The following APBB2 variants were observed in gnomAD, a reference collection of about 807,000 sequenced individuals.
APBB2 encodes amyloid beta precursor protein binding family B member 2.
In APBB2, 38 loss-of-function variants were observed where a neutral mutation model predicts 82.5. The observed-to-expected ratio is 0.46, with a 90% CI of 0.36 to 0.60. The LOEUF (loss-of-function observed/expected upper bound fraction) is 0.60, where lower values mean the gene tolerates loss of function less well. APBB2 is among the 20% of genes least tolerant of loss of function. APBB2 has a pLI of 0.00. For missense variants in APBB2, 772 were observed against 972.3 expected (o/e 0.79, Z 2.74); for synonymous variants, 341 against 368.2 (o/e 0.93, Z 0.85).
intron 10 of APBB2, among the ~76,000 whole-genome samples, chr4:40,907,372 TA>T (rs1777209945): frequency 4.5e-4 from 15 of 33,414 alleles, no homozygotes; most frequent in East Asian, 4.4e-3. Flanking sequence ...TATATATATA[TA>T]TATATATTTT....
intron 6 of APBB2, among the ~76,000 whole-genome samples, chr4:40,959,732 T>C (rs762252479): frequency 6.6e-6 from 1 of 152,202 alleles, no homozygotes; most frequent in Non-Finnish European, 1.5e-5. Flanking sequence ...TCTCATAGAT[T>C]AGAATGAATA....
chr4:41,086,794 T>G (rs994543174), intron 3 of APBB2, among the ~76,000 whole-genome samples: 2 of 152,046 alleles, frequency 1.3e-5, no homozygotes, highest in African/African-American at 4.8e-5. Flanking sequence ...CTTATCAACA[T>G]AGTAGTAGAA....
At chr4:41,032,778 C>CTTTTTTTTTTTTTTTT (rs11421268) in intron 5 of APBB2, among the ~76,000 whole-genome samples, 8 of 84,316 alleles carry the variant, frequency 9.5e-5, no homozygotes, top group East Asian at 7.7e-4. Flanking sequence ...ATTTTTCTTT[C>CTTTTTTTTTTTTTTTT]TTTTTTTTTT....
intron 3 of APBB2, among the ~76,000 whole-genome samples, chr4:41,071,778 T>C (rs1362848606): frequency 1.3e-5 from 2 of 152,204 alleles, no homozygotes; most frequent in African/African-American, 2.4e-5. Flanking sequence ...CCCATTTAAG[T>C]ATCAAAATGG....
chr4:40,980,727 T>C (rs1032984), intron 6 of APBB2, among the ~76,000 whole-genome samples: 58,508 of 152,090 alleles, frequency 0.38, 12,335 homozygotes, highest in East Asian at 0.71. Flanking sequence ...CACATGGGCA[T>C]AAAATGAAAT....
chr4:41,105,187 C>T (rs1297248298), intron 2 of APBB2, among the ~76,000 whole-genome samples: 2 of 152,066 alleles, frequency 1.3e-5, no homozygotes, highest in Admixed American at 6.5e-5. Flanking sequence ...ATAACCATAT[C>T]CCTGATATAC....
chr4:41,172,381 C>T (rs1484367460), intron 1 of APBB2, among the ~76,000 whole-genome samples: 1 of 152,108 alleles, frequency 6.6e-6, no homozygotes, highest in Non-Finnish European at 1.5e-5. Context: ...TCAAGATATA[C>T]TCAGGTTTTG....
chr4:41,160,634 G>A lies in APBB2; in HGVS notation c.-416-17492C>T, dbSNP rs553149360. ...GACAGGATGACCTCTAAGAGGCTGT[G>A]TTTGGTGACTAACTCCCTTCCCTGG... On this transcript the variant is annotated intron_variant, in intron 1 of 17. Coordinates refer to ENST00000508593, the MANE Select transcript of APBB2 (RefSeq NM_004307.2). 2.6e-5 allele frequency among the ~76,000 whole-genome samples: 4 copies of A among 152,230 alleles called. No homozygotes were observed. The East Asian group carries it at 5.8e-4, about 22-fold the overall frequency.
chr4:41,084,462 C>T (rs989688157), intron 3 of APBB2: 3 of 152,048 alleles, frequency 2.0e-5, no homozygotes, highest in African/African-American at 4.8e-5. Flanking sequence ...TGGCTTGATT[C>T]GCAAATGTAA....
intron 12 of APBB2, among the ~76,000 whole-genome samples, chr4:40,843,153 G>A (rs1003167994): frequency 4.6e-5 from 7 of 152,134 alleles, no homozygotes; most frequent in Non-Finnish European, 7.3e-5. Flanking sequence ...TGCATGCACC[G>A]TACACAGAGC....
chr4:41,149,272 T>C (rs1023444356), intron 1 of APBB2, among the ~76,000 whole-genome samples: 1 of 152,194 alleles, frequency 6.6e-6, no homozygotes, highest in African/African-American at 2.4e-5. Flanking sequence ...GTAGTCATTA[T>C]TTTAAAGATT....
intron 6 of APBB2, among the ~76,000 whole-genome samples, chr4:40,985,176 C>T (rs569946936): frequency 4.6e-5 from 7 of 152,050 alleles, no homozygotes; most frequent in Admixed American, 6.6e-5. Context: ...CAGCCTCCAA[C>T]GTGTTGGGAT....
intron 4 of APBB2, among the ~76,000 whole-genome samples, chr4:41,040,889 A>AT (rs531118548): frequency 2.6e-5 from 4 of 151,052 alleles, no homozygotes; most frequent in African/African-American, 7.3e-5. Flanking sequence ...TTATTTTTTT[A>AT]TTTTTTTTTG....
At chr4:41,033,612 AC>A in intron 4 of APBB2, among the ~76,000 whole-genome samples, 1 of 150,796 alleles carries the variant, frequency 6.6e-6, no homozygotes, top group Admixed American at 6.6e-5. Context: ...ACACACACAC[AC>A]ACACACACAA....
intron 1 of APBB2, among the ~76,000 whole-genome samples, chr4:41,186,658 A>C (rs1022971777): frequency 3.9e-5 from 6 of 152,218 alleles, no homozygotes; most frequent in African/African-American, 1.2e-4. Context: ...GAAATAAAGC[A>C]CCATCATTAC....
intron 17 of APBB2, among the ~76,000 whole-genome samples, chr4:40,820,414 C>T (rs906457447): frequency 2.0e-5 from 3 of 152,156 alleles, no homozygotes; most frequent in African/African-American, 7.2e-5. Flanking sequence ...CCGGTAATCC[C>T]AGCACTTGGG....
Position 41,007,986 on chromosome 4 carries a change from G to A in APBB2, c.835+5597C>T, listed in dbSNP as rs190794073. Among the ~76,000 whole-genome samples the A allele has an allele frequency of 2.6e-5, 4 of 152,294 alleles. No homozygotes were observed. In the East Asian group the frequency reaches 5.8e-4, roughly 22 times the overall value. On this transcript the variant is annotated intron_variant, in intron 6 of 17. Coordinates refer to ENST00000508593, the MANE Select transcript of APBB2 (RefSeq NM_004307.2). ...ACTTTATAAGGACTTTATACAGCTC[G>A]GAGGGTCTAGAAAGGTTTCATAGTG...
At chr4:41,140,371 G>A (rs1184201788) in intron 2 of APBB2, among the ~76,000 whole-genome samples, 2 of 152,230 alleles carry the variant, frequency 1.3e-5, no homozygotes, top group African/African-American at 4.8e-5. Flanking sequence ...GCAAGTAATT[G>A]AATTAAATCT....
intron 6 of APBB2, among the ~76,000 whole-genome samples, chr4:40,981,928 G>C (rs1798575944): frequency 6.6e-6 from 1 of 151,984 alleles, no homozygotes; most frequent in Non-Finnish European, 1.5e-5. Flanking sequence ...GCTCCTGCCT[G>C]TAATCCCAGC....
Sources: gnomAD v4.1 joint callset for allele counts (sites outside exome capture counted in the v4.1 genomes callset) on GRCh38, gnomAD v4.1.1 for gene constraint, MANE v1.5 for transcripts, NCBI Gene and HGNC (gene_info 2026-07-23, HGNC 2026-07-21) for gene names.